The following MAPK8 variants were observed in gnomAD, a reference collection of about 807,000 sequenced individuals.
MAPK8 encodes the protein JUN N-terminal kinase.
In MAPK8, 13 loss-of-function variants were observed where a neutral mutation model predicts 52.9. That is an observed-to-expected ratio of 0.25 (90% CI 0.16 to 0.39). The LOEUF (loss-of-function observed/expected upper bound fraction) is 0.39, where lower values mean the gene tolerates loss of function less well. Among genes scored for constraint, MAPK8 ranks in the 10% least tolerant of loss-of-function variants. MAPK8 has a pLI of 1.00. For missense variants in MAPK8, 300 were observed against 519.2 expected (o/e 0.58, Z 4.10); for synonymous variants, 191 against 169.8 (o/e 1.12, Z -0.97).
At chr10:48,309,426 T>A (rs1407675887) in intron 1 of MAPK8, among the ~76,000 whole-genome samples, 1 of 152,214 alleles carries the variant, frequency 6.6e-6, no homozygotes, top group African/African-American at 2.4e-5. Flanking sequence ...TGAAAAGGGC[T>A]CCTTTTAAAT....
At chr10:48,427,462 G>A (rs112521051) in intron 10 of MAPK8, 15,143 of 237,670 alleles carry the variant, frequency 0.064, 1,046 homozygotes, top group Admixed American at 0.22. Flanking sequence ...GGTTGTGTAC[G>A]GTGTATGCTA....
intron 1 of MAPK8, among the ~76,000 whole-genome samples, chr10:48,361,614 C>T (rs768997049): frequency 2.6e-5 from 4 of 152,146 alleles, no homozygotes; most frequent in Non-Finnish European, 5.9e-5. Flanking sequence ...AAAGTTTTTA[C>T]CACTTCATAC....
At chr10:48,379,117 C>CT (rs771060101) in intron 1 of MAPK8, among the ~76,000 whole-genome samples, 3 of 152,198 alleles carry the variant, frequency 2.0e-5, no homozygotes, top group Non-Finnish European at 4.4e-5. Flanking sequence ...CTTCTCAAGT[C>CT]TAAGAAGTCA....
chr10:48,409,850 A>G (rs750298197), intron 3 of MAPK8, 29 bp from the exon 4 acceptor site: 91 of 1,507,174 alleles, frequency 6.0e-5, no homozygotes, highest in Non-Finnish European at 7.9e-5. Flanking sequence ...GTAATTTCTA[A>G]TTTTTCTGTC....
chr10:48,382,071 A>G (rs1467216565), intron 1 of MAPK8, among the ~76,000 whole-genome samples: 1 of 152,168 alleles, frequency 6.6e-6, no homozygotes, highest in Non-Finnish European at 1.5e-5. Context: ...GGAGTACCAC[A>G]TATGTCTGCA....
intron 10 of MAPK8, among the ~76,000 whole-genome samples, chr10:48,427,734 C>T (rs193272544): frequency 1.6e-4 from 24 of 152,264 alleles, no homozygotes; most frequent in Admixed American, 4.6e-4. Context: ...CCTCGTGATC[C>T]ACCCGCCTCG....
intron 5 of MAPK8, among the ~76,000 whole-genome samples, chr10:48,419,109 A>G (rs989378033): frequency 6.6e-6 from 1 of 152,180 alleles, no homozygotes; most frequent in African/African-American, 2.4e-5. Flanking sequence ...ATTTAATTTC[A>G]TAAAACCACT....
chr10:48,413,821 A>ATT (rs1233986363), intron 5 of MAPK8, among the ~76,000 whole-genome samples: 3 of 78,376 alleles, frequency 3.8e-5, no homozygotes, highest in Non-Finnish European at 7.6e-5. Flanking sequence ...ATTGTTATAT[A>ATT]TATATATATA....
chr10:48,427,960 A>C (rs1196476502), intron 10 of MAPK8, among the ~76,000 whole-genome samples: 2 of 152,200 alleles, frequency 1.3e-5, no homozygotes, highest in African/African-American at 4.8e-5. Context: ...CAACTCTGCA[A>C]TATTCATGTT....
At chr10:48,368,210 G>A (rs1347332610) in intron 1 of MAPK8, among the ~76,000 whole-genome samples, 1 of 152,230 alleles carries the variant, frequency 6.6e-6, no homozygotes, top group Non-Finnish European at 1.5e-5. Flanking sequence ...ATCCAACTGT[G>A]AACAAAATGC....
At chr10:48,326,072 T>C (rs1843488999) in intron 1 of MAPK8, 1 of 152,246 alleles carries the variant, frequency 6.6e-6, no homozygotes, top group Non-Finnish European at 1.5e-5. Context: ...TTTCCTCCTT[T>C]TCATACTGTA....
At chr10:48,323,949 T>A (rs370963824) in intron 1 of MAPK8, among the ~76,000 whole-genome samples, 3 of 152,292 alleles carry the variant, frequency 2.0e-5, no homozygotes, top group South Asian at 4.1e-4. Context: ...GCTATTACTG[T>A]TTTTTGGTTC....
At chr10:48,340,549 TATACTC>T (rs780108308) in intron 1 of MAPK8, among the ~76,000 whole-genome samples, 81 of 152,292 alleles carry the variant, frequency 5.3e-4, no homozygotes, top group Non-Finnish European at 1.1e-3. Flanking sequence ...TTAAAATAAA[TATACTC>T]ATAATTCTCT....
chr10:48,377,027 C>T (rs906448053), intron 1 of MAPK8, among the ~76,000 whole-genome samples: 3 of 152,296 alleles, frequency 2.0e-5, no homozygotes, highest in East Asian at 3.9e-4. Context: ...TCATGGAATA[C>T]TCCACAGCCA....
intron 1 of MAPK8, among the ~76,000 whole-genome samples, chr10:48,330,097 A>T (rs913209053): frequency 5.9e-5 from 9 of 152,194 alleles, no homozygotes; most frequent in Admixed American, 1.3e-4. Flanking sequence ...TATAATTTGT[A>T]AGGATACAAA....
rs986169316 is a variant in MAPK8 at position 48,346,303 on chromosome 10, C to T, written c.-50+39482C>T. ...TTTATTCCAATATTATGATAATCCTCACTCTATAATCATAGTCTAGGAAAA... is the reference window on the plus strand; with the variant it reads ...TTTATTCCAATATTATGATAATCCTTACTCTATAATCATAGTCTAGGAAAA... On this transcript the variant is annotated intron_variant, in intron 1 of 11. Transcript: ENST00000374189. Among the ~76,000 whole-genome samples the T allele has an allele frequency of 2.0e-5, 3 of 152,230 alleles. No homozygotes were observed. In the East Asian group the frequency reaches 5.8e-4, roughly 29 times the overall value.
chr10:48,320,691 A>C (rs1041583295), intron 1 of MAPK8, among the ~76,000 whole-genome samples: 5 of 152,220 alleles, frequency 3.3e-5, no homozygotes, highest in Admixed American at 6.5e-5. Context: ...ACATTTGTAC[A>C]CAAGTTTTTT....
At chr10:48,378,900 T>A (rs1293475504) in intron 1 of MAPK8, among the ~76,000 whole-genome samples, 1 of 152,084 alleles carries the variant, frequency 6.6e-6, no homozygotes, top group Admixed American at 6.6e-5. Flanking sequence ...GTAGCTGGGC[T>A]TACAGGCACA....
chr10:48,334,878 C>G (rs1447640452), intron 1 of MAPK8, among the ~76,000 whole-genome samples: 1 of 152,154 alleles, frequency 6.6e-6, no homozygotes, highest in South Asian at 2.1e-4. Flanking sequence ...TCTCCTAGCA[C>G]GCAAGTCTCT....
Sources: allele counts gnomAD v4.1 joint callset (sites outside exome capture counted in the v4.1 genomes callset), GRCh38; gene constraint gnomAD v4.1.1; transcripts MANE v1.5; gene names NCBI Gene and HGNC (gene_info 2026-07-23, HGNC 2026-07-21).